The following IPMK variants were observed in gnomAD, a reference collection of about 807,000 sequenced individuals.
IPMK encodes the protein inositol 1,3,4,6-tetrakisphosphate 5-kinase.
A neutral mutation model predicts 45.8 loss-of-function variants in IPMK; 17 were observed. The observed-to-expected ratio is 0.37, with a 90% confidence interval of 0.25 to 0.56. The LOEUF (loss-of-function observed/expected upper bound fraction) is 0.56, where lower values mean the gene tolerates loss of function less well. Ranked by LOEUF, IPMK falls within the 20% of genes least tolerant of loss-of-function variation. The pLI, the probability that IPMK is intolerant of heterozygous loss-of-function variation, is 0.79. For missense variants in IPMK, 399 were observed against 498.0 expected, an observed-to-expected ratio of 0.80 and a Z score of 1.89; for synonymous variants, 180 against 184.3, an observed-to-expected ratio of 0.98 and a Z score of 0.19.
chr10:58,224,915 T>G (rs1019640075), intron 3 of IPMK, among the ~76,000 whole-genome samples: 7 of 152,318 alleles, frequency 4.6e-5, no homozygotes, highest in African/African-American at 1.7e-4. Context: ...TTTCTTTCAT[T>G]TGCAATCAAA....
At chr10:58,196,907 T>A (rs978992020) in intron 5 of IPMK, among the ~76,000 whole-genome samples, 2 of 152,124 alleles carry the variant, frequency 1.3e-5, no homozygotes, top group African/African-American at 4.8e-5. Context: ...TAGAAAACAT[T>A]TAAATGACAC....
At chr10:58,224,304 C>T (rs1159257057) in intron 3 of IPMK, among the ~76,000 whole-genome samples, 1 of 152,166 alleles carries the variant, frequency 6.6e-6, no homozygotes, top group Non-Finnish European at 1.5e-5. Context: ...TTTTCTATCC[C>T]TCCAAATAAT....
intron 4 of IPMK, among the ~76,000 whole-genome samples, chr10:58,209,475 C>T (rs189337531): frequency 1.7e-4 from 26 of 152,318 alleles, no homozygotes; most frequent in South Asian, 4.1e-4. Context: ...ATTCCCCTGG[C>T]GATGGGGCTT....
Position 58,193,801 on chromosome 10 carries a change from T to C in IPMK, c.*2275A>G, listed in dbSNP as rs999437629. On this transcript the variant is annotated 3_prime_UTR_variant, in exon 6 of 6. Transcript: ENST00000373935. ...TAGCGATCATTCATCCCCACAGTGGTAAATTTCAGCATAATATTAAGTGAC... is the reference window on the plus strand; with the variant it reads ...TAGCGATCATTCATCCCCACAGTGGCAAATTTCAGCATAATATTAAGTGAC... The C allele has an allele frequency of 6.6e-6, 1 of 151,792 alleles. No homozygotes were observed. Among genetic ancestry groups the C allele is most frequent in the African/African-American group, 2.4e-5 (1 of 41,410 alleles). The allele number at this position is 151,792 out of a possible 1,614,324, so 9.4% of individuals were successfully genotyped here.
In IPMK at chr10:58,195,283, C is replaced by T. The variant is rs1249348330; in HGVS notation, c.*793G>A. ...AAAGGTATATGGTTTATGATACTTT[C>T]ACAATGTAATAAATTTATATTCCAA... On this transcript the variant is annotated 3_prime_UTR_variant, in exon 6 of 6. Transcript: ENST00000373935. The T allele has an allele frequency of 1.3e-5, 2 of 151,978 alleles. No individual in the cohort carries two copies. The highest frequency in any genetic ancestry group is 1.3e-4 in the Admixed American group (2 of 15,268). 9.4% of individuals were successfully genotyped at this position (151,978 alleles called of 1,614,324 possible).
chr10:58,262,219 T>G (rs149815604), intron 1 of IPMK, among the ~76,000 whole-genome samples: 6 of 152,174 alleles, frequency 3.9e-5, no homozygotes, highest in African/African-American at 9.7e-5. Flanking sequence ...GTTGTGCACA[T>G]GTACCCCAGA....
chr10:58,240,638 A>G lies in IPMK; in HGVS notation c.191-2824T>C, dbSNP rs1029177466. ...ATAATAACCAACAGACTTGAAATCT[A>G]AAGGAAGACATACACCACGAAAAAA... On this transcript the variant is annotated intron_variant, in intron 1 of 5. Coordinates refer to ENST00000373935, the MANE Select transcript of IPMK (RefSeq NM_152230.5). Among the ~76,000 whole-genome samples, 10 of 151,624 alleles carry G rather than the reference A, an allele frequency of 6.6e-5. No homozygotes were observed. In the Middle Eastern group the frequency reaches 0.017, roughly 258 times the overall value.
rs972777221 is a variant in IPMK at position 58,212,986 on chromosome 10, T to G, written c.546+3159A>C. ...TGCAATCTCCCAAATCTCATAAATG[T>G]GGAATAACACCTATCTCATCATAGC... On this transcript the variant is annotated intron_variant, in intron 4 of 5. Transcript: ENST00000373935. The G allele has an allele frequency of 1.7e-4, 30 of 176,330 alleles. 1 individual carries two copies. The highest frequency in any genetic ancestry group is 9.3e-4 in the Admixed American group (16 of 17,214). The allele number at this position is 176,330 out of a possible 1,614,324, so 10.9% of individuals were successfully genotyped here.
intron 1 of IPMK, among the ~76,000 whole-genome samples, chr10:58,244,565 C>T (rs866304442): frequency 3.3e-5 from 5 of 151,670 alleles, no homozygotes; most frequent in South Asian, 2.1e-4. Flanking sequence ...AAGAACAGGC[C>T]ATGATGACGA....
At chr10:58,244,417 C>T (rs1197829755) in intron 1 of IPMK, among the ~76,000 whole-genome samples, 4 of 150,788 alleles carry the variant, frequency 2.7e-5, no homozygotes, top group African/African-American at 7.3e-5. Context: ...TGGGGAGCGC[C>T]TCCGCCCAGC....
chr10:58,258,314 A>AAACC lies in IPMK; in HGVS notation c.190+9107_190+9108insGGTT, dbSNP rs1358255623. Among the ~76,000 whole-genome samples, 4 of 152,220 alleles carry AAACC rather than the reference A, an allele frequency of 2.6e-5. No homozygotes were observed. The East Asian group carries it at 7.7e-4, about 29-fold the overall frequency. ...ACGGAGCGAGATTCCATCTCAAAAC[A>AAACC]AACAAACAAAAAATAGAATATTAGT... is the stretch of plus-strand genomic sequence containing the variant. On this transcript the variant is annotated intron_variant, in intron 1 of 5. Transcript: ENST00000373935.
chr10:58,224,751 AAAC>A (rs981768671), intron 3 of IPMK, among the ~76,000 whole-genome samples: 38 of 152,308 alleles, frequency 2.5e-4, no homozygotes, highest in Middle Eastern at 3.4e-3. Context: ...AAAGATACCC[AAAC>A]AACAAGAACA....
intron 3 of IPMK, among the ~76,000 whole-genome samples, chr10:58,224,528 T>A (rs1008272407): frequency 1.1e-4 from 17 of 152,220 alleles, no homozygotes; most frequent in African/African-American, 3.9e-4. Flanking sequence ...CTGAGTTGTA[T>A]GCTTTAAATG....
At chr10:58,237,098 A>G (rs991703298) in intron 2 of IPMK, among the ~76,000 whole-genome samples, 7 of 152,122 alleles carry the variant, frequency 4.6e-5, no homozygotes, top group Non-Finnish European at 7.4e-5. Context: ...ATCAAACTAG[A>G]AAAGATGCTA....
At chr10:58,242,674 G>A (rs953793635) in intron 1 of IPMK, among the ~76,000 whole-genome samples, 61 of 150,762 alleles carry the variant, frequency 4.0e-4, no homozygotes, top group African/African-American at 1.5e-3. Flanking sequence ...AAACACAAAG[G>A]GAGAAAAAAT....
intron 1 of IPMK, 115 bp downstream of exon 1, chr10:58,267,307 G>A (rs1197364762): frequency 2.1e-6 from 2 of 970,940 alleles, no homozygotes; most frequent in East Asian, 5.1e-5. Flanking sequence ...CCAGGGATTT[G>A]GCGTGCACAC....
At chr10:58,254,660 T>G (rs767675919) in intron 1 of IPMK, among the ~76,000 whole-genome samples, 2 of 152,266 alleles carry the variant, frequency 1.3e-5, no homozygotes, top group Non-Finnish European at 2.9e-5. Context: ...GACAGTTACC[T>G]CTTCTAGTTT....
Position 58,267,766 on chromosome 10 carries a change from A to G in IPMK, c.-155T>C. On this transcript the variant is annotated 5_prime_UTR_variant, in exon 1 of 6. It removes an upstream start codon present in the reference 5' UTR. Transcript: ENST00000373935. ...CCTCTGAAGCGCGGGGAGGGGGCCCATGACGCCGCCGGGGCGCGGGCGCTC... is the reference window on the plus strand; with the variant it reads ...CCTCTGAAGCGCGGGGAGGGGGCCCGTGACGCCGCCGGGGCGCGGGCGCTC... 1.8e-6 allele frequency: 1 copy of G among 565,692 alleles called. No individual in the cohort carries two copies. Among genetic ancestry groups the G allele is most frequent in the Non-Finnish European group, 3.1e-6 (1 of 320,186 alleles). The allele number at this position is 565,692 out of a possible 1,614,324, so 35.0% of individuals were successfully genotyped here.
intron 1 of IPMK, among the ~76,000 whole-genome samples, chr10:58,255,418 G>A (rs1321537193): frequency 6.6e-6 from 1 of 152,194 alleles, no homozygotes; most frequent in African/African-American, 2.4e-5. Flanking sequence ...TGTCATGCCA[G>A]TTTGGGGGAG....
Sources: allele counts gnomAD v4.1 joint callset (sites outside exome capture counted in the v4.1 genomes callset), GRCh38; gene constraint gnomAD v4.1.1; transcripts MANE v1.5; gene names NCBI Gene and HGNC (gene_info 2026-07-23, HGNC 2026-07-21).